ST7: variants seen among roughly 807,000 people sequenced by gnomAD.
ST7 encodes suppressor of tumorigenicity 7 protein.
ST7 carries 28 observed loss-of-function variants against 78.7 expected under a neutral mutation model. The observed-to-expected ratio is 0.36, with a 90% confidence interval of 0.26 to 0.49. The LOEUF (loss-of-function observed/expected upper bound fraction) is 0.49. Among genes scored for constraint, ST7 ranks in the 20% least tolerant of loss-of-function variants. The pLI, the probability that ST7 is intolerant of heterozygous loss-of-function variation, is 0.99. For missense variants in ST7, 418 were observed against 696.0 expected (o/e 0.60, Z 4.49); for synonymous variants, 247 against 249.6 (o/e 0.99, Z 0.10).
intron 2 of ST7, among the ~76,000 whole-genome samples, chr7:117,108,098 G>A (rs1441673160): frequency 6.6e-6 from 1 of 152,086 alleles, no homozygotes; most frequent in Non-Finnish European, 1.5e-5. Context: ...GTTTAATTAA[G>A]TCCCATCTAT....
intron 1 of ST7, chr7:116,956,428 T>C (rs754134209): frequency 1.9e-5 from 9 of 470,046 alleles, no homozygotes; most frequent in South Asian, 1.4e-4. Flanking sequence ...TTCAGCCCTG[T>C]GGTGCTTACT....
intron 9 of ST7, among the ~76,000 whole-genome samples, chr7:117,160,239 AAAAAAAAG>A (rs932693903): frequency 3.3e-5 from 5 of 149,334 alleles, no homozygotes; most frequent in African/African-American, 1.3e-4. Flanking sequence ...TCTCAAAAAA[AAAAAAAAG>A]AAAGAAAGAA....
chr7:117,042,280 C>G (rs544514930), intron 1 of ST7, among the ~76,000 whole-genome samples: 1 of 152,240 alleles, frequency 6.6e-6, no homozygotes, highest in East Asian at 1.9e-4. Context: ...TTAAATAATT[C>G]TCTACTGATG....
At chr7:116,998,579 G>A (rs1794788218) in intron 1 of ST7, among the ~76,000 whole-genome samples, 2 of 152,264 alleles carry the variant, frequency 1.3e-5, no homozygotes, top group African/African-American at 4.8e-5. Flanking sequence ...GAGTTCTGTT[G>A]TAAGGAAACA....
At chr7:117,206,732 G>T (rs1791795924) in intron 12 of ST7, among the ~76,000 whole-genome samples, 1 of 152,108 alleles carries the variant, frequency 6.6e-6, no homozygotes, top group Non-Finnish European at 1.5e-5. Flanking sequence ...TTGTCATATT[G>T]TATATTTTCA....
intron 7 of ST7, among the ~76,000 whole-genome samples, chr7:117,135,660 A>T (rs1804729779): frequency 6.6e-6 from 1 of 152,098 alleles, no homozygotes; most frequent in African/African-American, 2.4e-5. Context: ...AACAGCTGTT[A>T]TCATCACCAT....
intron 1 of ST7, among the ~76,000 whole-genome samples, chr7:116,979,820 G>A (rs1793866599): frequency 1.3e-5 from 2 of 151,964 alleles, no homozygotes; most frequent in Admixed American, 6.6e-5. Flanking sequence ...CTTCTACCGT[G>A]AGCGCCACTG....
intron 1 of ST7, chr7:117,072,057 G>A (rs995938644): frequency 2.4e-4 from 37 of 152,174 alleles, no homozygotes; most frequent in African/African-American, 8.7e-4. Context: ...TAAAGCGAGA[G>A]CATATATCCT....
intron 1 of ST7, chr7:117,022,970 G>A (rs1487496806): frequency 1.3e-5 from 2 of 152,102 alleles, no homozygotes; most frequent in African/African-American, 4.8e-5. Context: ...GCCTTTCCCA[G>A]TCAATATTAT....
intron 15 of ST7, chr7:117,223,287 C>G (rs1793231008): frequency 3.0e-6 from 1 of 338,482 alleles, no homozygotes; most frequent in African/African-American, 2.1e-5. Context: ...TCCTTGCTTC[C>G]TGTCTTATCC....
intron 1 of ST7, among the ~76,000 whole-genome samples, chr7:117,003,187 G>A (rs1795018344): frequency 6.6e-6 from 1 of 151,886 alleles, no homozygotes; most frequent in South Asian, 2.1e-4. Context: ...GTCTTACTCT[G>A]TCGCCCAGGC....
At chr7:117,108,022 T>G (rs1459940588) in intron 2 of ST7, among the ~76,000 whole-genome samples, 1 of 152,052 alleles carries the variant, frequency 6.6e-6, no homozygotes, top group African/African-American at 2.4e-5. Flanking sequence ...ATGAAGATTT[T>G]CTGCCACTCT....
intron 1 of ST7, among the ~76,000 whole-genome samples, chr7:116,969,168 A>G (rs1793291878): frequency 6.6e-6 from 1 of 152,074 alleles, no homozygotes; most frequent in Non-Finnish European, 1.5e-5. Context: ...TAACTTTACA[A>G]TTTTGAGGAG....
chr7:117,066,900 C>T (rs1432026950), intron 1 of ST7, among the ~76,000 whole-genome samples: 1 of 151,710 alleles, frequency 6.6e-6, no homozygotes, highest in Non-Finnish European at 1.5e-5. Context: ...TTAGCAGTTA[C>T]TTTCCACTTC....
chr7:117,186,285 C>G (rs1029279445), intron 10 of ST7, among the ~76,000 whole-genome samples: 5 of 152,190 alleles, frequency 3.3e-5, no homozygotes, highest in African/African-American at 1.2e-4. Flanking sequence ...CATCACTACT[C>G]TTGCACTTTG....
chr7:116,957,293 A>C (rs1474867891), intron 1 of ST7, among the ~76,000 whole-genome samples: 6 of 152,192 alleles, frequency 3.9e-5, no homozygotes, highest in Non-Finnish European at 8.8e-5. Context: ...ATGAAAATGA[A>C]TTTTAAAAAA....
intron 1 of ST7, among the ~76,000 whole-genome samples, chr7:117,077,587 T>C (rs1278575653): frequency 6.6e-6 from 1 of 152,202 alleles, no homozygotes; most frequent in Non-Finnish European, 1.5e-5. Context: ...ACTCTGCTTT[T>C]ATGCTACTGC....
intron 1 of ST7, among the ~76,000 whole-genome samples, chr7:117,044,054 A>G (rs1797365330): frequency 1.3e-5 from 2 of 152,110 alleles, no homozygotes; most frequent in South Asian, 2.1e-4. Context: ...TTAGTTTTCA[A>G]CCTACGTTGT....
At chr7:117,018,995 C>T (rs886796382) in intron 1 of ST7, among the ~76,000 whole-genome samples, 1 of 152,202 alleles carries the variant, frequency 6.6e-6, no homozygotes, top group Non-Finnish European at 1.5e-5. Flanking sequence ...GTAGATCCTA[C>T]ATATACTGAC....
Sources: allele counts gnomAD v4.1 joint callset (sites outside exome capture counted in the v4.1 genomes callset), GRCh38; gene constraint gnomAD v4.1.1; transcripts MANE v1.5; gene names NCBI Gene and HGNC (gene_info 2026-07-23, HGNC 2026-07-21).